The following RANBP9 variants were observed in gnomAD, a reference collection of about 807,000 sequenced individuals.
RANBP9 encodes the protein ran-binding protein 9.
Under a neutral mutation model 84.3 loss-of-function variants are expected in RANBP9, and 15 were observed. That is an observed-to-expected ratio of 0.18 (90% confidence interval 0.12 to 0.27). The LOEUF (loss-of-function observed/expected upper bound fraction) is 0.27, where lower values mean the gene tolerates loss of function less well. RANBP9 is among the 10% of genes least tolerant of loss of function. The pLI, the probability that RANBP9 is intolerant of heterozygous loss-of-function variation, is 1.00. For missense variants in RANBP9, 809 were observed against 912.8 expected, an observed-to-expected ratio of 0.89 and a Z score of 1.46; for synonymous variants, 392 against 349.6, an observed-to-expected ratio of 1.12 and a Z score of -1.35.
At chr6:13,678,132 A>G (rs917690456) in intron 2 of RANBP9, among the ~76,000 whole-genome samples, 5 of 152,140 alleles carry the variant, frequency 3.3e-5, no homozygotes, top group Non-Finnish European at 7.4e-5. Flanking sequence ...AACAAACAAA[A>G]AACAATTACA....
intron 4 of RANBP9, 64 bp from the exon 5 acceptor site, chr6:13,652,745 G>A: frequency 7.3e-7 from 1 of 1,366,728 alleles, no homozygotes; most frequent in Non-Finnish European, 1.0e-6. Context: ...CTGACAAGCT[G>A]AATTTCTAAC....
chr6:13,639,068 C>A (rs919644364), intron 9 of RANBP9, among the ~76,000 whole-genome samples: 3 of 152,220 alleles, frequency 2.0e-5, no homozygotes, highest in Non-Finnish European at 4.4e-5. Context: ...TATTCTCAGA[C>A]AGCTGTTCTT....
At chr6:13,707,691 C>T (rs1271672997) in intron 1 of RANBP9, among the ~76,000 whole-genome samples, 1 of 152,200 alleles carries the variant, frequency 6.6e-6, no homozygotes, top group Non-Finnish European at 1.5e-5. Flanking sequence ...ATTCCAGGAT[C>T]TTGTCCAGAT....
chr6:13,710,904 C>T (rs776970723), intron 1 of RANBP9, 31 bp downstream of exon 1: 1 of 1,570,340 alleles, frequency 6.4e-7, no homozygotes, highest in Non-Finnish European at 8.6e-7. Context: ...GGTCAGTGCC[C>T]CACTCCCACC....
chr6:13,670,802 A>G (rs111271888), intron 2 of RANBP9, among the ~76,000 whole-genome samples: 58 of 133,554 alleles, frequency 4.3e-4, no homozygotes, highest in Admixed American at 5.2e-4. Context: ...TCCATCTTAG[A>G]AAAAAAAAAA....
chr6:13,709,699 ATT>A (rs1048596071), intron 1 of RANBP9, among the ~76,000 whole-genome samples: 2 of 152,184 alleles, frequency 1.3e-5, no homozygotes, highest in African/African-American at 2.4e-5. Flanking sequence ...AACAAGGCCT[ATT>A]TTTGTGCGTG....
intron 1 of RANBP9, among the ~76,000 whole-genome samples, chr6:13,703,655 C>A (rs1035087398): frequency 6.6e-6 from 1 of 152,174 alleles, no homozygotes; most frequent in South Asian, 2.1e-4. Context: ...TCTGTTAAGT[C>A]TCTCAGGAAT....
intron 5 of RANBP9, among the ~76,000 whole-genome samples, chr6:13,646,415 C>T (rs575327820): frequency 6.6e-6 from 1 of 152,076 alleles, no homozygotes; most frequent in East Asian, 1.9e-4. Flanking sequence ...GTCTTAAAAA[C>T]ACAAAAACAG....
intron 7 of RANBP9, among the ~76,000 whole-genome samples, chr6:13,641,724 T>C (rs929096877): frequency 6.6e-6 from 1 of 152,176 alleles, no homozygotes; most frequent in Non-Finnish European, 1.5e-5. Flanking sequence ...ATTCACTTGA[T>C]CTGTTATATG....
At chr6:13,707,239 G>C (rs1370236651) in intron 1 of RANBP9, among the ~76,000 whole-genome samples, 2 of 152,014 alleles carry the variant, frequency 1.3e-5, no homozygotes, top group Non-Finnish European at 2.9e-5. Flanking sequence ...GGCTGGTCTA[G>C]AACTCTTGGG....
At chr6:13,709,914 G>A (rs1431023042) in intron 1 of RANBP9, among the ~76,000 whole-genome samples, 1 of 152,174 alleles carries the variant, frequency 6.6e-6, no homozygotes, top group African/African-American at 2.4e-5. Flanking sequence ...AGGCTGCCGT[G>A]AATGTAAAAG....
chr6:13,644,347 C>T (rs528046359), intron 6 of RANBP9, among the ~76,000 whole-genome samples, 198 bp downstream of exon 6: 7 of 152,170 alleles, frequency 4.6e-5, no homozygotes, highest in East Asian at 1.9e-4. Context: ...CAATTCTGTA[C>T]GTGTGTCAAA....
At position 13,639,710 on chromosome 6, in the gene RANBP9, C is replaced by T. The variant is rs1298709792; in HGVS notation, c.1378G>A (p.Val460Ile). 6.2e-7 allele frequency: 1 copy of T among 1,614,134 alleles called. No homozygotes were observed. Residue 460 changes from valine to isoleucine, a missense_variant, in exon 9 of 14, where the codon GTA (valine) becomes ATA (isoleucine). Coordinates refer to ENST00000011619, the MANE Select transcript of RANBP9 (RefSeq NM_005493.3). Reference sequence around the variant, plus strand: ...GGACTTCGGCCTCCCAAACATCGTACTTCACTATCTGTACCATTCACCATT... The same window carrying T: ...GGACTTCGGCCTCCCAAACATCGTATTTCACTATCTGTACCATTCACCATT... ...IEMVNGTDSE[V>I]RCLGGRSPKS...
chr6:13,624,288 A>G (rs1764537796), intron 13 of RANBP9, among the ~76,000 whole-genome samples: 1 of 152,330 alleles, frequency 6.6e-6, no homozygotes, highest in Non-Finnish European at 1.5e-5. Context: ...TGCTTCCTTT[A>G]CATTCTTGCT....
intron 1 of RANBP9, among the ~76,000 whole-genome samples, chr6:13,701,970 C>T (rs1310573004): frequency 3.3e-5 from 5 of 152,174 alleles, no homozygotes; most frequent in African/African-American, 4.8e-5. Context: ...AGAAGCCTCT[C>T]TGTCAGCCTC....
chr6:13,658,296 G>T (rs147329317), intron 3 of RANBP9, among the ~76,000 whole-genome samples: 1 of 152,202 alleles, frequency 6.6e-6, no homozygotes, highest in African/African-American at 2.4e-5. Context: ...TAAATAGTGT[G>T]AAATTTAAAT....
chr6:13,706,885 CCAGCTACT>C (rs1261615253), intron 1 of RANBP9, among the ~76,000 whole-genome samples: 1 of 151,582 alleles, frequency 6.6e-6, no homozygotes, highest in Non-Finnish European at 1.5e-5. Context: ...GCCTGTAATC[CCAGCTACT>C]CAGCTACTCA....
chr6:13,677,193 T>C (rs368681476), intron 2 of RANBP9, among the ~76,000 whole-genome samples: 1 of 152,088 alleles, frequency 6.6e-6, no homozygotes, highest in South Asian at 2.1e-4. Context: ...TATGCAGAAG[T>C]CAATTTCCTA....
chr6:13,697,048 C>T (rs1024781765), intron 1 of RANBP9, 152 bp from the exon 2 acceptor site: 1 of 554,682 alleles, frequency 1.8e-6, no homozygotes, highest in African/African-American at 1.9e-5. Flanking sequence ...TTATCATCAC[C>T]ATGAACCCAA....
Sources: allele counts gnomAD v4.1 joint callset (sites outside exome capture counted in the v4.1 genomes callset), GRCh38; gene constraint gnomAD v4.1.1; transcripts MANE v1.5; gene names NCBI Gene and HGNC (gene_info 2026-07-23, HGNC 2026-07-21).